Variants in RNF220 observed in about 807,000 individuals in gnomAD.
RNF220 encodes the protein E3 ubiquitin-protein ligase RNF220.
In RNF220, 7 loss-of-function variants were observed where a neutral mutation model predicts 67.1. The observed-to-expected ratio is 0.10, with a 90% CI of 0.06 to 0.20. RNF220 has a LOEUF of 0.20. RNF220 is among the 10% of genes least tolerant of loss of function. The pLI, the probability that RNF220 is intolerant of heterozygous loss-of-function variation, is 1.00. For missense variants in RNF220, 565 were observed against 740.3 expected (o/e 0.76, Z 2.75); for synonymous variants, 270 against 283.2 (o/e 0.95, Z 0.47).
chr1:44,431,149 C>T (rs1484556091), intron 2 of RNF220, among the ~76,000 whole-genome samples: 5 of 152,022 alleles, frequency 3.3e-5, no homozygotes, highest in South Asian at 2.1e-4. Context: ...TCAGTTTTAC[C>T]GTCCAAAAAG....
At chr1:44,437,411 A>G (rs999233583) in intron 2 of RNF220, among the ~76,000 whole-genome samples, 3 of 152,248 alleles carry the variant, frequency 2.0e-5, no homozygotes, top group Non-Finnish European at 2.9e-5. Context: ...TTTTAAATAA[A>G]TAATTGTCAC....
chr1:44,622,772 T>C lies in RNF220; in HGVS notation c.789T>C (p.Ala263=). Residue 263 remains alanine, a synonymous_variant, in exon 4 of 15, where the codon GCT becomes GCC. Coordinates refer to ENST00000361799, the MANE Select transcript of RNF220 (RefSeq NM_018150.4). This position sits in a 1 kb window ranked among gnomAD's most constrained non-coding sequence, Gnocchi z 4.3. ...SKNSLLKDAM[A]PGTPKSLLLS... ...ATTCCCTTCTGAAGGATGCCATGGC[T>C]CCAGGCACCCCAAAGGTAGGTGGCC... 6.2e-7 allele frequency: 1 copy of C among 1,613,998 alleles called. No individual in the cohort carries two copies. Among genetic ancestry groups the C allele is most frequent in the East Asian group, 2.2e-5 (1 of 44,888 alleles).
At chr1:44,414,976 G>T (rs1648374159) in intron 2 of RNF220, among the ~76,000 whole-genome samples, 1 of 149,962 alleles carries the variant, frequency 6.7e-6, no homozygotes, top group African/African-American at 2.5e-5. Context: ...TGAAAAGGAG[G>T]CTGTGCTACC....
chr1:44,539,368 G>A (rs746104013), intron 2 of RNF220, among the ~76,000 whole-genome samples: 3 of 151,994 alleles, frequency 2.0e-5, no homozygotes, highest in African/African-American at 4.8e-5. Flanking sequence ...CCAAATGCCC[G>A]AGCTTTCTAC....
intron 2 of RNF220, among the ~76,000 whole-genome samples, chr1:44,509,274 G>A (rs563284553): frequency 6.6e-6 from 1 of 152,182 alleles, no homozygotes; most frequent in African/African-American, 2.4e-5. Flanking sequence ...TAGGCAGCCG[G>A]GTGTGGTGGC....
intron 2 of RNF220, among the ~76,000 whole-genome samples, chr1:44,584,375 T>C (rs270709): frequency 0.42 from 64,258 of 152,156 alleles, 14,010 homozygotes; most frequent in Middle Eastern, 0.58. Context: ...TTATAGCCCT[T>C]GTCAAATTCC....
intron 2 of RNF220, among the ~76,000 whole-genome samples, chr1:44,431,428 A>G (rs1328356870): frequency 6.7e-6 from 1 of 148,668 alleles, no homozygotes; most frequent in Non-Finnish European, 1.5e-5. Context: ...AGGCAGAGAG[A>G]TTGCAGTGAG....
intron 8 of RNF220, chr1:44,644,199 A>G (rs2148505257): frequency 6.4e-6 from 1 of 156,832 alleles, no homozygotes; most frequent in East Asian, 1.9e-4. Flanking sequence ...GCTGGCAAGG[A>G]CCTAGCGGCC....
chr1:44,625,793 C>T (rs1643920885), intron 4 of RNF220, among the ~76,000 whole-genome samples: 7 of 151,918 alleles, frequency 4.6e-5, no homozygotes, highest in Admixed American at 4.6e-4. Context: ...GGGGTTTTTG[C>T]TGGGGTCATC....
chr1:44,639,359 G>T (rs1224961900), intron 8 of RNF220, among the ~76,000 whole-genome samples: 1 of 152,226 alleles, frequency 6.6e-6, no homozygotes, highest in Non-Finnish European at 1.5e-5. Flanking sequence ...CTGCATTGGG[G>T]AGCCCAGAGC....
intron 8 of RNF220, among the ~76,000 whole-genome samples, chr1:44,640,179 G>A (rs913080697): frequency 1.3e-5 from 2 of 152,384 alleles, no homozygotes; most frequent in South Asian, 4.1e-4. Context: ...TAAGCCCCAG[G>A]GCATGGGCAC....
intron 2 of RNF220, among the ~76,000 whole-genome samples, chr1:44,447,770 C>G (rs1036286393): frequency 6.6e-6 from 1 of 152,194 alleles, no homozygotes; most frequent in Admixed American, 6.5e-5. Context: ...CACTGCCACT[C>G]TGCTGGGACG....
chr1:44,570,830 T>A (rs1664387243), intron 2 of RNF220, among the ~76,000 whole-genome samples: 1 of 152,124 alleles, frequency 6.6e-6, no homozygotes, highest in South Asian at 2.1e-4. Context: ...TCCCAGCACT[T>A]TGGAAGGTCA....
intron 2 of RNF220, among the ~76,000 whole-genome samples, chr1:44,535,217 C>T (rs1050959198): frequency 8.0e-5 from 12 of 150,774 alleles, no homozygotes; most frequent in Admixed American, 2.0e-4. Flanking sequence ...TTCAGCTCAC[C>T]GCAACCTCTG....
At chr1:44,518,938 A>G (rs1276025740) in intron 2 of RNF220, among the ~76,000 whole-genome samples, 2 of 152,200 alleles carry the variant, frequency 1.3e-5, no homozygotes, top group South Asian at 2.1e-4. Context: ...CTTTGCAGCT[A>G]GAGGCCATGT....
At chr1:44,570,461 T>C (rs1205653141) in intron 2 of RNF220, among the ~76,000 whole-genome samples, 1 of 152,218 alleles carries the variant, frequency 6.6e-6, no homozygotes, top group Non-Finnish European at 1.5e-5. Context: ...AGGCACGCCA[T>C]GTGTTAAGGA....
At chr1:44,572,468 C>T (rs538400347) in intron 2 of RNF220, among the ~76,000 whole-genome samples, 1 of 152,342 alleles carries the variant, frequency 6.6e-6, no homozygotes, top group South Asian at 2.1e-4. Flanking sequence ...TTCCTGTTTA[C>T]TCATCTGACT....
chr1:44,557,180 TATATA>T (rs1410957498), intron 2 of RNF220, among the ~76,000 whole-genome samples: 1 of 143,208 alleles, frequency 7.0e-6, no homozygotes, highest in African/African-American at 2.7e-5. Flanking sequence ...TATATATTAA[TATATA>T]ATATATATTT....
intron 3 of RNF220, among the ~76,000 whole-genome samples, chr1:44,618,105 G>C (rs780537471): frequency 6.6e-6 from 1 of 152,144 alleles, no homozygotes; most frequent in South Asian, 2.1e-4. Context: ...GGGCTCTTCA[G>C]ACTGGCCTGG....
Sources: allele counts gnomAD v4.1 joint callset (sites outside exome capture counted in the v4.1 genomes callset), GRCh38; gene constraint gnomAD v4.1.1; non-coding constraint Gnocchi (gnomAD v3.1); transcripts MANE v1.5; gene names NCBI Gene and HGNC (gene_info 2026-07-23, HGNC 2026-07-21).